ESR1: variants seen among roughly 807,000 people sequenced by gnomAD.
The protein encoded by ESR1 is estrogen receptor 1, also known as estrogen receptor.
A neutral mutation model predicts 52.7 loss-of-function variants in ESR1; 12 were observed. The ratio of observed to expected loss-of-function variants is 0.23; its 90% CI spans 0.15 to 0.37. ESR1 has a LOEUF of 0.37. ESR1 is among the 10% of genes least tolerant of loss of function. The pLI is 1.00. For missense variants in ESR1, 584 were observed against 779.7 expected (o/e 0.75, Z 2.99); for synonymous variants, 305 against 316.8 (o/e 0.96, Z 0.39).
chr6:151,797,678 T>C (rs1776843530), intron 2 of ESR1, among the ~76,000 whole-genome samples: 1 of 152,338 alleles, frequency 6.6e-6, no homozygotes, highest in Admixed American at 6.5e-5. Flanking sequence ...AGAACAATGA[T>C]GATCCCTGCA....
At chr6:151,878,362 G>A (rs931169046) in intron 2 of ESR1, among the ~76,000 whole-genome samples, 3 of 152,198 alleles carry the variant, frequency 2.0e-5, no homozygotes, top group Non-Finnish European at 4.4e-5. Context: ...TTTTACTGAA[G>A]TTACAGGTTT....
exon 7 of ESR1, chr6:152,129,531 T>C (rs2054735015): frequency 6.7e-6 from 1 of 150,006 alleles, no homozygotes; most frequent in Non-Finnish European, 1.5e-5. Context: ...TTCTCCATAC[T>C]TTATTATTGC....
At chr6:151,893,400 G>C (rs1794985458) in intron 3 of ESR1, among the ~76,000 whole-genome samples, 1 of 152,038 alleles carries the variant, frequency 6.6e-6, no homozygotes, top group South Asian at 2.1e-4. Flanking sequence ...ACATGGTTTA[G>C]TTTATGCTTG....
intron 5 of ESR1, among the ~76,000 whole-genome samples, chr6:152,031,535 C>A (rs1383779662): frequency 6.6e-6 from 1 of 152,184 alleles, no homozygotes; most frequent in Admixed American, 6.5e-5. Flanking sequence ...ACTAGAACAT[C>A]TAGAAGAAAT....
At chr6:152,004,953 C>A (rs1350917754) in intron 4 of ESR1, among the ~76,000 whole-genome samples, 1 of 151,918 alleles carries the variant, frequency 6.6e-6, no homozygotes, top group Non-Finnish European at 1.5e-5. Context: ...TCAATTTTTT[C>A]TCAAATGAAT....
intron 2 of ESR1, among the ~76,000 whole-genome samples, chr6:151,768,349 T>C (rs921417894): frequency 2.6e-5 from 4 of 152,122 alleles, no homozygotes; most frequent in Non-Finnish European, 4.4e-5. Context: ...AAATCCCCAA[T>C]TGAGGGGCAT....
intron 5 of ESR1, among the ~76,000 whole-genome samples, chr6:152,021,094 C>T (rs1231830930): frequency 1.3e-5 from 2 of 152,122 alleles, no homozygotes; most frequent in African/African-American, 4.8e-5. Flanking sequence ...CTGGGTGTGT[C>T]TGTGAGGGTG....
In ESR1 at chr6:152,100,420, C is replaced by T. The variant is rs2050925337; in HGVS notation, c.*1454C>T. The stretch of plus-strand genomic sequence containing the variant: ...AAAATCCTCCCCCTTCCTCCCCCGC[C>T]CCGTTCCCTACCGCCTCCACTCCTG... On this transcript the variant is annotated 3_prime_UTR_variant, in exon 8 of 8. Coordinates refer to ENST00000206249, the MANE Select transcript of ESR1 (RefSeq NM_000125.4). 1 of 277,892 alleles carries T rather than the reference C, an allele frequency of 3.6e-6. No individual in the cohort carries two copies. The highest frequency in any genetic ancestry group is 1.7e-4 in the South Asian group (1 of 5,942). The allele number at this position is 277,892 out of a possible 1,614,324, so 17.2% of individuals were successfully genotyped here.
At chr6:151,817,819 C>A (rs1447302266) in intron 1 of ESR1, among the ~76,000 whole-genome samples, 1 of 152,166 alleles carries the variant, frequency 6.6e-6, no homozygotes, top group East Asian at 1.9e-4. Flanking sequence ...TCATAGGGTT[C>A]TTTTTCCCTC....
chr6:151,944,633 G>C, intron 4 of ESR1, 125 bp downstream of exon 4: 6 of 814,312 alleles, frequency 7.4e-6, no homozygotes, highest in Non-Finnish European at 1.2e-5. Context: ...CAAGGTTACA[G>C]GAGATGTGTT....
rs367694671 is a variant in ESR1 at position 151,762,146 on chromosome 6, C to G, written c.-70-45697C>G. Among the ~76,000 whole-genome samples, 434 of 152,294 alleles carry G rather than the reference C, an allele frequency of 2.8e-3. 1 individual carries two copies. The highest frequency in any genetic ancestry group is 9.9e-3 in the African/African-American group (413 of 41,558). ...CAGCTAAGGTTGACAACACTTCTAA[C>G]ACCGCTTTCAGGTGAAAAAGAACTA... On this transcript the variant is annotated intron_variant, in intron 2 of 2. Transcript: ENST00000404742.
intron 1 of ESR1, among the ~76,000 whole-genome samples, chr6:151,833,162 A>T (rs958128775): frequency 5.9e-5 from 9 of 152,302 alleles, no homozygotes; most frequent in African/African-American, 2.2e-4. Context: ...TGGTCAGGGC[A>T]GGGTGACACA....
At chr6:151,923,166 T>C (rs2128466612) in intron 3 of ESR1, among the ~76,000 whole-genome samples, 1 of 152,328 alleles carries the variant, frequency 6.6e-6, no homozygotes, top group Admixed American at 6.5e-5. Flanking sequence ...CTTACTCATT[T>C]TCCGAGTCAC....
chr6:151,672,518 G>C (rs903132778), intron 1 of ESR1, among the ~76,000 whole-genome samples: 2 of 151,312 alleles, frequency 1.3e-5, no homozygotes, highest in Non-Finnish European at 2.9e-5. Context: ...TGTATTGTTA[G>C]CAGAGTCGGG....
chr6:151,736,681 G>A (rs1782706664), intron 2 of ESR1, among the ~76,000 whole-genome samples: 1 of 152,050 alleles, frequency 6.6e-6, no homozygotes, highest in Non-Finnish European at 1.5e-5. Flanking sequence ...GCCTGGCCCA[G>A]GTAGTGTTCT....
rs114171394 is a variant in ESR1 at position 151,669,857 on chromosome 6, G to A, written n.73+13094G>A. ...ACAAGGTTTTTCTTATAATGGATGA[G>A]AGATTGTAAAACACATTTGCATTGG... is the stretch of plus-strand genomic sequence containing the variant. On this transcript the variant is annotated intron_variant and non_coding_transcript_variant, in intron 1 of 2. Coordinates refer to the ESR1 transcript ENST00000473497. Among the ~76,000 whole-genome samples the A allele has an allele frequency of 9.2e-3, 1,407 of 152,270 alleles. 24 individuals are homozygous for A. The highest frequency in any genetic ancestry group is 0.032 in the African/African-American group (1,348 of 41,546).
intron 3 of ESR1, among the ~76,000 whole-genome samples, chr6:151,920,139 TA>T (rs1311118447): frequency 1.4e-4 from 22 of 152,292 alleles, no homozygotes; most frequent in Admixed American, 2.6e-4. Flanking sequence ...ATGCAATCAT[TA>T]TTATAAAATT....
In ESR1 at chr6:151,971,298, C is replaced by T. The variant is rs142003964; in HGVS notation, c.1096+26790C>T. On this transcript the variant is annotated intron_variant, in intron 4 of 7. Transcript: ENST00000206249. ...GATTTTGGTGCATCCATCACACGAGCGGTGTACACTGTATCTAGTTTGTAA... is the reference window on the plus strand; with the variant it reads ...GATTTTGGTGCATCCATCACACGAGTGGTGTACACTGTATCTAGTTTGTAA... Among the ~76,000 whole-genome samples the T allele has an allele frequency of 2.1e-3, 322 of 152,184 alleles. 1 individual carries two copies. The highest frequency in any genetic ancestry group is 6.8e-3 in the Middle Eastern group (2 of 294).
intron 2 of ESR1, among the ~76,000 whole-genome samples, chr6:151,738,649 C>A (rs1782851759): frequency 6.6e-6 from 1 of 152,170 alleles, no homozygotes; most frequent in African/African-American, 2.4e-5. Context: ...CCTCCAGCTC[C>A]ACATATTCTA....
Sources: gnomAD v4.1 joint callset for allele counts (sites outside exome capture counted in the v4.1 genomes callset) on GRCh38, gnomAD v4.1.1 for gene constraint, MANE v1.5 for transcripts, NCBI Gene and HGNC (gene_info 2026-07-23, HGNC 2026-07-21) for gene names.